Variants in NTM observed in about 807,000 individuals in gnomAD.
NTM encodes IgLON family member 2.
NTM carries 13 observed loss-of-function variants against 42.1 expected under a neutral mutation model. The ratio of observed to expected loss-of-function variants is 0.31; its 90% confidence interval spans 0.20 to 0.49. The LOEUF (loss-of-function observed/expected upper bound fraction) is 0.49, where lower values mean the gene tolerates loss of function less well. NTM is among the 20% of genes least tolerant of loss of function. NTM has a pLI of 0.99. For synonymous variants in NTM, 187 were observed against 179.2 expected (o/e 1.04, Z -0.35); for missense variants, 373 against 452.8 (o/e 0.82, Z 1.60).
At chr11:131,884,553 G>A (rs1035947140) in intron 1 of NTM, among the ~76,000 whole-genome samples, 3 of 152,168 alleles carry the variant, frequency 2.0e-5, no homozygotes, top group South Asian at 2.1e-4. Flanking sequence ...ACACCACAGC[G>A]GCCATGTAGC....
chr11:132,061,376 A>G (rs1048356259), intron 2 of NTM, among the ~76,000 whole-genome samples: 1 of 152,180 alleles, frequency 6.6e-6, no homozygotes, highest in African/African-American at 2.4e-5. Context: ...TTCATATTGC[A>G]ATTATAAAGG....
intron 7 of NTM, among the ~76,000 whole-genome samples, chr11:132,317,436 A>G (rs1022669296): frequency 2.6e-5 from 4 of 152,154 alleles, no homozygotes; most frequent in Admixed American, 2.6e-4. Flanking sequence ...CTGCCTTCCC[A>G]GTCACGGCAT....
intron 1 of NTM, among the ~76,000 whole-genome samples, chr11:131,462,581 CT>C (rs1951488931): frequency 6.6e-6 from 1 of 152,250 alleles, no homozygotes; most frequent in African/African-American, 2.4e-5. Flanking sequence ...TGCTGCTTTT[CT>C]TTGTCCTGAG....
intron 1 of NTM, among the ~76,000 whole-genome samples, chr11:131,466,138 A>G (rs1951860248): frequency 1.3e-5 from 2 of 152,190 alleles, no homozygotes; most frequent in Non-Finnish European, 2.9e-5. Context: ...AGCCTGCCCG[A>G]CCCTGACAGC....
intron 2 of NTM, among the ~76,000 whole-genome samples, chr11:132,036,993 G>A (rs2076585323): frequency 6.6e-6 from 1 of 152,134 alleles, no homozygotes; most frequent in Non-Finnish European, 1.5e-5. Flanking sequence ...TGAGTTGTGT[G>A]ATTCACAGTC....
chr11:132,300,772 C>A (rs1020934404), intron 4 of NTM, among the ~76,000 whole-genome samples: 1 of 152,190 alleles, frequency 6.6e-6, no homozygotes, highest in African/African-American at 2.4e-5. Flanking sequence ...TGGGACCCTC[C>A]GTTTACCTCA....
chr11:131,933,316 T>A (rs1220255204), intron 2 of NTM, among the ~76,000 whole-genome samples: 1 of 152,194 alleles, frequency 6.6e-6, no homozygotes, highest in Non-Finnish European at 1.5e-5. Flanking sequence ...TGGGCTCAGC[T>A]CTTTCTGGTG....
chr11:131,807,939 T>C (rs542813552), intron 1 of NTM, among the ~76,000 whole-genome samples: 1 of 152,284 alleles, frequency 6.6e-6, no homozygotes, highest in East Asian at 1.9e-4. Context: ...TCACTTTCAA[T>C]GTGTTGGCAG....
intron 1 of NTM, among the ~76,000 whole-genome samples, chr11:131,509,333 T>C (rs2047943596): frequency 6.6e-6 from 1 of 152,214 alleles, no homozygotes; most frequent in Admixed American, 6.5e-5. Flanking sequence ...CGCTTTGGTC[T>C]CCCTTTACTC....
At chr11:131,423,945 G>T (rs74413069) in intron 1 of NTM, among the ~76,000 whole-genome samples, 1 of 152,142 alleles carries the variant, frequency 6.6e-6, no homozygotes, top group African/African-American at 2.4e-5. Flanking sequence ...TTTCCCCGAG[G>T]CTTCTTTAGG....
chr11:132,083,163 C>T (rs1427810921), intron 2 of NTM, among the ~76,000 whole-genome samples: 5 of 152,176 alleles, frequency 3.3e-5, no homozygotes, highest in Non-Finnish European at 7.3e-5. Context: ...TGCAGCCAGA[C>T]ATCACTGTTT....
intron 2 of NTM, among the ~76,000 whole-genome samples, chr11:131,961,640 TG>T (rs1182362679): frequency 6.6e-6 from 1 of 152,050 alleles, no homozygotes; most frequent in African/African-American, 2.4e-5. Flanking sequence ...CACACTAGCA[TG>T]GGGAGCAGAA....
intron 2 of NTM, among the ~76,000 whole-genome samples, chr11:132,104,937 GTATATATATATATATATATATATA>G (rs534897526): frequency 0.02 from 1,230 of 61,844 alleles, 168 homozygotes; most frequent in African/African-American, 0.063. Flanking sequence ...ATATACATAT[GTATATATATATATATATATATATA>G]TATATATATA....
intron 1 of NTM, among the ~76,000 whole-genome samples, chr11:131,565,944 C>T (rs1006138354): frequency 3.9e-5 from 6 of 152,182 alleles, no homozygotes; most frequent in African/African-American, 7.2e-5. Flanking sequence ...ACCTGAAGTC[C>T]TATCAGCCCC....
intron 1 of NTM, among the ~76,000 whole-genome samples, chr11:131,429,740 A>G (rs1447861275): frequency 2.0e-5 from 3 of 152,174 alleles, no homozygotes; most frequent in African/African-American, 7.2e-5. Context: ...CCATATCACC[A>G]GGGTTTTCTG....
At chr11:131,633,556 CCTCT>C (rs1248631683) in intron 1 of NTM, among the ~76,000 whole-genome samples, 2 of 140,904 alleles carry the variant, frequency 1.4e-5, no homozygotes, top group African/African-American at 2.6e-5. Context: ...TCTATCTCTC[CCTCT>C]CTCTCTCTCT....
At chr11:131,445,892 C>T (rs1950019703) in intron 1 of NTM, among the ~76,000 whole-genome samples, 1 of 152,182 alleles carries the variant, frequency 6.6e-6, no homozygotes, top group African/African-American at 2.4e-5. Flanking sequence ...CATTAATTGA[C>T]ATACTGTCTA....
intron 2 of NTM, among the ~76,000 whole-genome samples, chr11:131,926,692 A>G (rs2058001281): frequency 6.6e-6 from 1 of 152,206 alleles, no homozygotes; most frequent in African/African-American, 2.4e-5. Flanking sequence ...CACATAAGCA[A>G]GTAGCCCCAA....
chr11:132,248,036 C>T (rs558079630), intron 4 of NTM, among the ~76,000 whole-genome samples: 1 of 148,100 alleles, frequency 6.8e-6, no homozygotes, highest in African/African-American at 2.4e-5. Context: ...CCACAGCATC[C>T]AAACATGGGA....
Sources: gnomAD v4.1 joint callset for allele counts (sites outside exome capture counted in the v4.1 genomes callset) on GRCh38, gnomAD v4.1.1 for gene constraint, MANE v1.5 for transcripts, NCBI Gene and HGNC (gene_info 2026-07-23, HGNC 2026-07-21) for gene names.